PRKG1: variants seen among roughly 807,000 people sequenced by gnomAD.
PRKG1 encodes the protein cGMP-dependent protein kinase 1.
In PRKG1, 35 loss-of-function variants were observed where a neutral mutation model predicts 88.1. The ratio of observed to expected loss-of-function variants is 0.40; its 90% CI spans 0.30 to 0.53. PRKG1 has a LOEUF of 0.53. Ranked by LOEUF, PRKG1 falls within the 20% of genes least tolerant of loss-of-function variation. The probability of loss-of-function intolerance (pLI) is 0.59; values close to 1 mark genes in which losing one functional copy is unlikely to be tolerated. For missense variants in PRKG1, 540 were observed against 839.8 expected, an observed-to-expected ratio of 0.64 and a Z score of 4.41; for synonymous variants, 303 against 292.5, an observed-to-expected ratio of 1.04 and a Z score of -0.37.
chr10:51,070,471 T>C (rs1008549158), upstream of PRKG1, among the ~76,000 whole-genome samples: 4 of 152,292 alleles, frequency 2.6e-5, no homozygotes, highest in Admixed American at 2.0e-4. Flanking sequence ...GCTATATATT[T>C]GTTTGTTTAT....
intron 1 of PRKG1, among the ~76,000 whole-genome samples, chr10:51,143,209 A>G (rs1025769931): frequency 1.3e-5 from 2 of 152,070 alleles, no homozygotes; most frequent in Non-Finnish European, 2.9e-5. Flanking sequence ...TTAAGATTCC[A>G]CATATGAGTG....
chr10:51,884,720 G>C (rs1247307119), intron 4 of PRKG1, among the ~76,000 whole-genome samples: 1 of 152,096 alleles, frequency 6.6e-6, no homozygotes, highest in African/African-American at 2.4e-5. Flanking sequence ...TCATACAGTA[G>C]TTTAGGATGA....
At chr10:51,393,203 C>T (rs915334494) in intron 2 of PRKG1, among the ~76,000 whole-genome samples, 5 of 150,452 alleles carry the variant, frequency 3.3e-5, no homozygotes, top group Non-Finnish European at 4.4e-5. Flanking sequence ...CGGGCAGAGG[C>T]GCTCCTCACA....
In PRKG1 at chr10:51,710,823, A is replaced by G. The variant is rs377766067; in HGVS notation, c.593-93762A>G. On this transcript the variant is annotated intron_variant, in intron 3 of 17. Coordinates refer to ENST00000373980, the MANE Select transcript of PRKG1 (RefSeq NM_006258.4). ...AATGTGCCTGTTGATGCCATGATAT[A>G]TCGTCCTGTTTTGGGGGGGGCGGGA... Among the ~76,000 whole-genome samples the G allele has an allele frequency of 1.5e-4, 23 of 152,116 alleles. No individual in the cohort carries two copies. In the South Asian group the frequency reaches 4.8e-3, roughly 32 times the overall value.
intron 10 of PRKG1, among the ~76,000 whole-genome samples, chr10:52,253,987 A>T (rs771414404): frequency 4.6e-5 from 7 of 152,130 alleles, no homozygotes; most frequent in African/African-American, 1.4e-4. Flanking sequence ...CACTTAAGTG[A>T]TCACTAATAC....
chr10:51,461,039 T>G lies in PRKG1; in HGVS notation c.479-6684T>G, dbSNP rs142504187. ...ATGAGATTTTTAGTTTTGGATAGCTTATTTATGTTTTTGATTCACAACCAA... is the reference window on the plus strand; with the variant it reads ...ATGAGATTTTTAGTTTTGGATAGCTGATTTATGTTTTTGATTCACAACCAA... On this transcript the variant is annotated intron_variant, in intron 2 of 17. Coordinates refer to ENST00000373980, the MANE Select transcript of PRKG1 (RefSeq NM_006258.4). 1.9e-4 allele frequency among the ~76,000 whole-genome samples: 29 copies of G among 152,314 alleles called. No homozygotes were observed. In the Middle Eastern group the frequency reaches 0.014, roughly 71 times the overall value.
chr10:51,190,841 T>TC (rs1217387820), intron 2 of PRKG1, among the ~76,000 whole-genome samples: 1 of 151,846 alleles, frequency 6.6e-6, no homozygotes, highest in Non-Finnish European at 1.5e-5. Flanking sequence ...TACAAATCCT[T>TC]CCCATATTGT....
chr10:51,602,577 T>C (rs1264558340), intron 3 of PRKG1, among the ~76,000 whole-genome samples: 3 of 151,810 alleles, frequency 2.0e-5, no homozygotes, highest in Admixed American at 6.6e-5. Context: ...GCCTGGCTGA[T>C]TTTTTTAATT....
chr10:51,816,770 A>T lies in PRKG1; in HGVS notation c.698+12080A>T, dbSNP rs1287853169. ...ACAATTTTAGTTATTTTATAAATAC[A>T]TATAGAGTGCTTAAAATTATTCAGT... is the stretch of plus-strand genomic sequence containing the variant. On this transcript the variant is annotated intron_variant, in intron 4 of 17. Transcript: ENST00000373980. 9.2e-5 allele frequency among the ~76,000 whole-genome samples: 14 copies of T among 152,276 alleles called. No homozygotes were observed. In the East Asian group the frequency reaches 2.7e-3, roughly 29 times the overall value.
intron 3 of PRKG1, among the ~76,000 whole-genome samples, chr10:51,721,078 T>C (rs1194263263): frequency 6.6e-6 from 1 of 151,452 alleles, no homozygotes; most frequent in East Asian, 1.9e-4. Context: ...CTGGGCATGG[T>C]GATGTGTGCC....
chr10:51,978,766 G>A (rs1429876853), intron 5 of PRKG1, among the ~76,000 whole-genome samples: 14 of 151,908 alleles, frequency 9.2e-5, no homozygotes. Flanking sequence ...CAGGTTGACT[G>A]TTGTTCATGT....
At position 51,841,635 on chromosome 10, in the gene PRKG1, G is replaced by T. The variant is rs1840276647; in HGVS notation, c.698+36945G>T. 2.1e-5 allele frequency among the ~76,000 whole-genome samples: 3 copies of T among 145,178 alleles called. No individual in the cohort carries two copies. In the Admixed American group the frequency reaches 2.1e-4, roughly 10 times the overall value. The stretch of plus-strand genomic sequence containing the variant: ...TTATTCAGAAATGTCATGAATTCAT[G>T]CTGTGACTGAATTTGTTAAAAAAAA... On this transcript the variant is annotated intron_variant, in intron 4 of 17. Coordinates refer to ENST00000373980, the MANE Select transcript of PRKG1 (RefSeq NM_006258.4).
At chr10:51,563,129 T>G (rs1837513613) in intron 3 of PRKG1, among the ~76,000 whole-genome samples, 1 of 152,038 alleles carries the variant, frequency 6.6e-6, no homozygotes. Context: ...GCTTCAGCAT[T>G]GTTTATTAAG....
chr10:51,775,588 A>C (rs1838413847), intron 3 of PRKG1, among the ~76,000 whole-genome samples: 1 of 151,132 alleles, frequency 6.6e-6, no homozygotes, highest in African/African-American at 2.4e-5. Context: ...TATTATTATT[A>C]TTTGTTTATT....
intron 3 of PRKG1, among the ~76,000 whole-genome samples, chr10:51,601,976 G>T (rs1246515820): frequency 6.6e-6 from 1 of 151,802 alleles, no homozygotes; most frequent in African/African-American, 2.4e-5. Context: ...ATTTGTCACA[G>T]ATTTTTTTAA....
Position 51,386,192 on chromosome 10 carries a change from T to C in PRKG1, c.479-81531T>C, listed in dbSNP as rs182814738. On this transcript the variant is annotated intron_variant, in intron 2 of 17. Coordinates refer to ENST00000373980, the MANE Select transcript of PRKG1 (RefSeq NM_006258.4). ...CAGTCTTTCAGATCCCATGGTGAAC[T>C]GAGAGCAATAAAATATTGTCTACAA... Among the ~76,000 whole-genome samples the C allele has an allele frequency of 1.9e-3, 284 of 152,292 alleles. 1 individual carries two copies. Among genetic ancestry groups the C allele is most frequent in the African/African-American group, 6.7e-3 (279 of 41,562 alleles).
intron 5 of PRKG1, among the ~76,000 whole-genome samples, chr10:51,947,290 G>T (rs1178554127): frequency 6.6e-6 from 1 of 152,114 alleles, no homozygotes; most frequent in Non-Finnish European, 1.5e-5. Context: ...TAATCTCCTG[G>T]TGCGCCGTTT....
rs895053780 is a variant in PRKG1 at position 52,294,231 on chromosome 10, G to A, written c.*331G>A. On this transcript the variant is annotated 3_prime_UTR_variant, in exon 18 of 18. Transcript: ENST00000373980. ...AGACTGTAGGAAACACTTCAATGTAGTATAAGAGTCTGTACCTTGCTGGAA... is the reference window on the plus strand; with the variant it reads ...AGACTGTAGGAAACACTTCAATGTAATATAAGAGTCTGTACCTTGCTGGAA... 9.6e-6 allele frequency: 2 copies of A among 209,100 alleles called. No individual in the cohort carries two copies. Among genetic ancestry groups the A allele is most frequent in the African/African-American group, 4.6e-5 (2 of 43,066 alleles). 13.0% of individuals were successfully genotyped at this position (209,100 alleles called of 1,614,324 possible).
chr10:51,014,939 C>T (rs1241065567), intron 1 of PRKG1, among the ~76,000 whole-genome samples: 1 of 152,122 alleles, frequency 6.6e-6, no homozygotes, highest in Non-Finnish European at 1.5e-5. Context: ...TCCTGTTTTT[C>T]AAGCAATAAG....
Sources: allele counts gnomAD v4.1 joint callset (sites outside exome capture counted in the v4.1 genomes callset), GRCh38; gene constraint gnomAD v4.1.1; transcripts MANE v1.5; gene names NCBI Gene and HGNC (gene_info 2026-07-23, HGNC 2026-07-21).